DRC11: variants seen among roughly 807,000 people sequenced by gnomAD.
DRC11 encodes the protein dynein regulatory complex subunit 11.
At chr2:236,355,916 CCACCACA>C in the DRC11 span, among the ~76,000 whole-genome samples, 4 of 152,150 alleles carry the variant, frequency 2.6e-5, no homozygotes, top group African/African-American at 9.7e-5. Context: ...GCTGTCTACA[CCACCACA>C]CACCACATCT....
the DRC11 span, chr2:236,324,764 G>A: frequency 6.2e-7 from 1 of 1,604,202 alleles, no homozygotes; most frequent in South Asian, 1.1e-5. The surrounding 1 kb of genome is among the most constrained non-coding windows in gnomAD (Gnocchi z 5.7). Context: ...TTTACCCAGA[G>A]GAGTTTTGGC....
chr2:236,325,018 A>G, the DRC11 span, among the ~76,000 whole-genome samples: 1 of 152,186 alleles, frequency 6.6e-6, no homozygotes, highest in Non-Finnish European at 1.5e-5. This position sits in a 1 kb window ranked among gnomAD's most constrained non-coding sequence, Gnocchi z 4.4. Flanking sequence ...GGAGTTAACA[A>G]TTTCAGAGAA....
the DRC11 span, among the ~76,000 whole-genome samples, chr2:236,473,161 G>GT: frequency 1.3e-5 from 2 of 152,116 alleles, no homozygotes; most frequent in Admixed American, 1.3e-4. The surrounding 1 kb of genome is among the most constrained non-coding windows in gnomAD (Gnocchi z 4.8). Context: ...AGACTACATA[G>GT]TTTCATTTCA....
chr2:236,410,765 T>C, the DRC11 span, among the ~76,000 whole-genome samples: 1 of 150,000 alleles, frequency 6.7e-6, no homozygotes, highest in Non-Finnish European at 1.5e-5. Flanking sequence ...ATCTGATCTT[T>C]GACAAACCTG....
At chr2:236,324,606 G>C in the DRC11 span, 19 of 799,858 alleles carry the variant, frequency 2.4e-5, 1 homozygote, top group South Asian at 2.9e-4. The surrounding 1 kb of genome is among the most constrained non-coding windows in gnomAD (Gnocchi z 5.7). Flanking sequence ...TGGCGAGTTG[G>C]GGTCCTCTCC....
chr2:236,365,847 C>T, the DRC11 span, among the ~76,000 whole-genome samples: 1 of 152,118 alleles, frequency 6.6e-6, no homozygotes, highest in East Asian at 1.9e-4. The surrounding 1 kb of genome is among the most constrained non-coding windows in gnomAD (Gnocchi z 7.4). Flanking sequence ...CACAGCTCTT[C>T]CTGCCCCTCT....
the DRC11 span, among the ~76,000 whole-genome samples, chr2:236,398,495 C>T: frequency 2.6e-5 from 4 of 152,212 alleles, no homozygotes; most frequent in African/African-American, 7.2e-5. The surrounding 1 kb of genome is among the most constrained non-coding windows in gnomAD (Gnocchi z 6.2). Flanking sequence ...AAGGAGGCCA[C>T]GAATGACTGC....
the DRC11 span, among the ~76,000 whole-genome samples, chr2:236,316,661 AT>A: frequency 6.6e-6 from 1 of 152,246 alleles, no homozygotes; most frequent in South Asian, 2.1e-4. This position sits in a 1 kb window ranked among gnomAD's most constrained non-coding sequence, Gnocchi z 6.8. Flanking sequence ...ATCACTATGC[AT>A]ATGAAAAGAT....
At chr2:236,376,180 A>T in the DRC11 span, among the ~76,000 whole-genome samples, 1 of 152,212 alleles carries the variant, frequency 6.6e-6, no homozygotes, top group Non-Finnish European at 1.5e-5. The surrounding 1 kb of genome is among the most constrained non-coding windows in gnomAD (Gnocchi z 5.7). Context: ...ACCTGAATCG[A>T]ATAATGAGAA....
chr2:236,315,558 G>T, the DRC11 span, among the ~76,000 whole-genome samples: 1 of 152,166 alleles, frequency 6.6e-6, no homozygotes, highest in African/African-American at 2.4e-5. The surrounding 1 kb of genome is among the most constrained non-coding windows in gnomAD (Gnocchi z 5.1). Flanking sequence ...GCATGTGTAT[G>T]TTCATTGCAG....
chr2:236,464,543 A>C, the DRC11 span, among the ~76,000 whole-genome samples: 1 of 152,246 alleles, frequency 6.6e-6, no homozygotes, highest in Admixed American at 6.5e-5. Flanking sequence ...ATCTTTTGTA[A>C]ACAAGTTTTA....
the DRC11 span, among the ~76,000 whole-genome samples, chr2:236,471,923 G>A: frequency 6.6e-6 from 1 of 152,130 alleles, no homozygotes; most frequent in Admixed American, 6.6e-5. The surrounding 1 kb of genome is among the most constrained non-coding windows in gnomAD (Gnocchi z 4.6). Context: ...AGATTCCTGG[G>A]CTCAGGGGAC....
At chr2:236,497,360 C>T in the DRC11 span, 72 of 1,613,790 alleles carry the variant, frequency 4.5e-5, no homozygotes, top group Non-Finnish European at 5.6e-5. This position sits in a 1 kb window ranked among gnomAD's most constrained non-coding sequence, Gnocchi z 5.1. Context: ...ACATACTTTA[C>T]GTAGAAGGTG....
At chr2:236,488,379 C>T in the DRC11 span, among the ~76,000 whole-genome samples, 2,182 of 152,296 alleles carry the variant, frequency 0.014, 23 homozygotes, top group African/African-American at 0.024. Flanking sequence ...ACATGACATG[C>T]TCATGCTGTG....
At chr2:236,507,385 G>T in the DRC11 span, 1 of 1,014,598 alleles carries the variant, frequency 9.9e-7, no homozygotes, top group East Asian at 2.4e-5. Context: ...TGGGTGGGGG[G>T]TCTTCTGGAG....
At chr2:236,350,645 C>G in the DRC11 span, among the ~76,000 whole-genome samples, 4 of 152,202 alleles carry the variant, frequency 2.6e-5, no homozygotes, top group Non-Finnish European at 5.9e-5. This position sits in a 1 kb window ranked among gnomAD's most constrained non-coding sequence, Gnocchi z 5.2. Flanking sequence ...GGGAGCGGGA[C>G]CTGGGTCTGC....
At chr2:236,388,922 T>G in the DRC11 span, among the ~76,000 whole-genome samples, 126 of 152,316 alleles carry the variant, frequency 8.3e-4, no homozygotes, top group African/African-American at 2.9e-3. Context: ...TACCCAGCTG[T>G]GTGAGGTGTC....
chr2:236,362,748 C>G, the DRC11 span, among the ~76,000 whole-genome samples: 37 of 152,052 alleles, frequency 2.4e-4, no homozygotes, highest in Non-Finnish European at 2.9e-5. The surrounding 1 kb of genome is among the most constrained non-coding windows in gnomAD (Gnocchi z 5.7). Flanking sequence ...TGTACAATGA[C>G]CATAAAGTGC....
chr2:236,387,641 T>C, the DRC11 span, among the ~76,000 whole-genome samples: 1 of 151,974 alleles, frequency 6.6e-6, no homozygotes, highest in South Asian at 2.1e-4. Flanking sequence ...GTCTTTTAAT[T>C]GGAGCATTTA....
Sources: allele counts gnomAD v4.1 joint callset (sites outside exome capture counted in the v4.1 genomes callset), GRCh38; gene constraint gnomAD v4.1.1; non-coding constraint Gnocchi (gnomAD v3.1); transcripts MANE v1.5; gene names NCBI Gene and HGNC (gene_info 2026-07-23, HGNC 2026-07-21).